EDA2R: variants seen among roughly 807,000 people sequenced by gnomAD.
EDA2R encodes tumor necrosis factor receptor superfamily member 27.
A neutral mutation model predicts 20.1 loss-of-function variants in EDA2R; 26 were observed. The observed-to-expected ratio is 1.30, with a 90% CI of 0.95 to 1.80. The LOEUF is 1.80. Ranked by LOEUF, EDA2R falls within the 40% of genes most tolerant of loss-of-function variation. The pLI is 0.00. For synonymous variants in EDA2R, 114 were observed against 88.7 expected (o/e 1.29, Z -1.60); for missense variants, 277 against 228.7 (o/e 1.21, Z -1.36).
rs181826985 is a variant in EDA2R, at chrX:66,638,090, T to G, written c.-11+905A>C. 6.7e-3 allele frequency among the ~76,000 whole-genome samples: 749 copies of G among 112,500 alleles called. 5 individuals carry two copies. Among genetic ancestry groups the G allele is most frequent in the Non-Finnish European group, 0.012 (641 of 53,316 alleles). On this transcript the variant is annotated intron_variant, in intron 1 of 6. Coordinates refer to ENST00000374719, the MANE Select transcript of EDA2R (RefSeq NM_021783.5). ...TTAACTTTTAAAACCTCTCTTGTGT[T>G]ATATTAATATTTATCCGTGTTTTTA...
intron 1 of EDA2R, among the ~76,000 whole-genome samples, chrX:66,628,622 C>T (rs1933379712): frequency 9.2e-6 from 1 of 108,885 alleles, no homozygotes; most frequent in Non-Finnish European, 1.9e-5. Flanking sequence ...AAATACACCC[C>T]CCCAGCTTAA....
At chrX:66,601,497 C>A (rs925915767) in intron 5 of EDA2R, among the ~76,000 whole-genome samples, 10 of 111,776 alleles carry the variant, frequency 8.9e-5, no homozygotes, top group African/African-American at 3.3e-4. Context: ...TAAGCCAGGG[C>A]ACAACCAAAC....
At chrX:66,624,395 T>TA (rs1932874574) in intron 1 of EDA2R, among the ~76,000 whole-genome samples, 1 of 111,688 alleles carries the variant, frequency 9.0e-6, no homozygotes, top group African/African-American at 3.3e-5. Flanking sequence ...TGCATGCACC[T>TA]GTAATTCCAT....
intron 2 of EDA2R, among the ~76,000 whole-genome samples, chrX:66,614,929 C>T (rs927456212): frequency 9.9e-5 from 11 of 111,282 alleles, no homozygotes; most frequent in African/African-American, 3.6e-4. Flanking sequence ...ATTGCACTAC[C>T]TTCCTCCTTT....
At chrX:66,611,147 T>A (rs1384184381) in intron 2 of EDA2R, among the ~76,000 whole-genome samples, 1 of 111,595 alleles carries the variant, frequency 9.0e-6, no homozygotes, top group Non-Finnish European at 1.9e-5. Context: ...CTACAAAGGT[T>A]CTGGAAATTA....
At chrX:66,617,617 A>G (rs1426392698) in intron 1 of EDA2R, among the ~76,000 whole-genome samples, 1 of 111,595 alleles carries the variant, frequency 9.0e-6, no homozygotes, top group Non-Finnish European at 1.9e-5. Flanking sequence ...AGTTCCCAAC[A>G]TAGGCGTTTA....
At chrX:66,629,616 T>C (rs1232110089) in intron 1 of EDA2R, among the ~76,000 whole-genome samples, 1 of 111,300 alleles carries the variant, frequency 9.0e-6, no homozygotes, top group Non-Finnish European at 1.9e-5. Flanking sequence ...AATTAAATAC[T>C]TAGGAATATA....
chrX:66,636,054 C>A (rs1934286242), intron 1 of EDA2R, among the ~76,000 whole-genome samples: 2 of 109,917 alleles, frequency 1.8e-5, no homozygotes, highest in African/African-American at 6.6e-5. Context: ...GTGCCCAGCA[C>A]CCAGTGCCCA....
At position 66,616,319 on chromosome X, in the gene EDA2R, A is replaced by G. The variant is rs776447950; in HGVS notation, c.-10-289T>C. On this transcript the variant is annotated intron_variant, in intron 1 of 6. Coordinates refer to ENST00000374719, the MANE Select transcript of EDA2R (RefSeq NM_021783.5). ...AGAAACTGAGGCAAAGAGACCAAGCAATTTGCTCAAATTCACAGTCAGTGG... is the reference window on the plus strand; with the variant it reads ...AGAAACTGAGGCAAAGAGACCAAGCGATTTGCTCAAATTCACAGTCAGTGG... Among the ~76,000 whole-genome samples, 4 of 112,516 alleles carry G rather than the reference A, an allele frequency of 3.6e-5. No individual in the cohort carries two copies. The East Asian group carries it at 1.1e-3, about 31-fold the overall frequency.
At chrX:66,601,320 C>T (rs1438032486) in intron 5 of EDA2R, among the ~76,000 whole-genome samples, 1 of 111,924 alleles carries the variant, frequency 8.9e-6, no homozygotes, top group African/African-American at 3.3e-5. Context: ...GCCTAAGCAA[C>T]AACTCTTATC....
intron 1 of EDA2R, among the ~76,000 whole-genome samples, chrX:66,619,122 A>G (rs1932189261): frequency 9.0e-6 from 1 of 111,492 alleles, no homozygotes; most frequent in Admixed American, 9.5e-5. Flanking sequence ...GAAAAAGGAA[A>G]GGCACCCAAG....
intron 2 of EDA2R, among the ~76,000 whole-genome samples, chrX:66,608,565 T>C (rs895399950): frequency 2.7e-5 from 3 of 111,942 alleles, no homozygotes; most frequent in African/African-American, 9.7e-5. Context: ...ACAAATAAAC[T>C]GTTAACCAAG....
chrX:66,630,265 C>T (rs1445706481), intron 1 of EDA2R, among the ~76,000 whole-genome samples: 1 of 111,540 alleles, frequency 9.0e-6, no homozygotes, highest in Non-Finnish European at 1.9e-5. Context: ...AAAAACCCTT[C>T]GAGACATTGG....
intron 1 of EDA2R, among the ~76,000 whole-genome samples, chrX:66,624,726 G>C (rs1602295675): frequency 9.0e-6 from 1 of 111,052 alleles, no homozygotes; most frequent in Non-Finnish European, 1.9e-5. Context: ...GCTCCAGGAC[G>C]ACTGCAAGAA....
Position 66,604,418 on chromosome X carries a change from C to G in EDA2R, c.352+3G>C, listed in dbSNP as rs1444282911. The G allele has an allele frequency of 8.3e-7, 1 of 1,203,972 alleles. No homozygotes were observed. Among genetic ancestry groups the G allele is most frequent in the Admixed American group, 2.2e-5 (1 of 45,511 alleles). On this transcript the variant is annotated splice_donor_region_variant and intron_variant, in intron 4 of 6. Transcript: ENST00000374719. ...AAAGGGAAGAAGAGAACTGGGTACACACATTGAACCTCAGAGGTGGGGGTC... is the reference window on the plus strand; with the variant it reads ...AAAGGGAAGAAGAGAACTGGGTACAGACATTGAACCTCAGAGGTGGGGGTC...
intron 1 of EDA2R, among the ~76,000 whole-genome samples, chrX:66,631,033 A>ATG (rs1491530208): frequency 3.7e-5 from 4 of 109,328 alleles, no homozygotes; most frequent in South Asian, 4.0e-4. Context: ...ATACACACAC[A>ATG]TGTGTGTATA....
At chrX:66,634,190 T>G in intron 1 of EDA2R, among the ~76,000 whole-genome samples, 2 of 112,110 alleles carry the variant, frequency 1.8e-5, no homozygotes, top group Non-Finnish European at 3.8e-5. Flanking sequence ...CTGTACAAAA[T>G]GAAATGCTGC....
At chrX:66,633,362 G>C (rs1934024775) in intron 1 of EDA2R, among the ~76,000 whole-genome samples, 2 of 111,932 alleles carry the variant, frequency 1.8e-5, no homozygotes, top group Non-Finnish European at 3.8e-5. Flanking sequence ...CATTATAAAA[G>C]AAATAGGATG....
intron 1 of EDA2R, among the ~76,000 whole-genome samples, chrX:66,621,766 G>A (rs189781166): frequency 2.9e-4 from 32 of 111,961 alleles, no homozygotes; most frequent in Middle Eastern, 9.2e-3. Context: ...GGAAGTGACT[G>A]CTGAATAGGT....
Sources: gnomAD v4.1 joint callset for allele counts (sites outside exome capture counted in the v4.1 genomes callset) on GRCh38, gnomAD v4.1.1 for gene constraint, MANE v1.5 for transcripts, NCBI Gene and HGNC (gene_info 2026-07-23, HGNC 2026-07-21) for gene names.